Variants in AGBL2 observed in about 807,000 individuals in gnomAD.
AGBL2 encodes AGBL carboxypeptidase 2, also known as cytosolic carboxypeptidase 2.
A neutral mutation model predicts 103.0 loss-of-function variants in AGBL2; 87 were observed. That is an observed-to-expected ratio of 0.84 (90% CI 0.71 to 1.01). The LOEUF is 1.01. AGBL2 is among the 50% of genes least tolerant of loss of function. The pLI, the probability that AGBL2 is intolerant of heterozygous loss-of-function variation, is 0.00. For synonymous variants in AGBL2, 335 were observed against 356.7 expected (o/e 0.94, Z 0.69); for missense variants, 904 against 1,023.5 (o/e 0.88, Z 1.59).
intron 14 of AGBL2, among the ~76,000 whole-genome samples, chr11:47,676,199 C>A (rs2097374199): frequency 6.6e-6 from 1 of 152,082 alleles, no homozygotes; most frequent in South Asian, 2.1e-4. Flanking sequence ...CTCCTTTGAT[C>A]TTTCCCATCT....
At chr11:47,681,594 A>C (rs1352830910) in intron 12 of AGBL2, among the ~76,000 whole-genome samples, 1 of 152,128 alleles carries the variant, frequency 6.6e-6, no homozygotes, top group African/African-American at 2.4e-5. Context: ...CAACCTCCAG[A>C]GTAGCTGGGA....
Position 47,659,818 on chromosome 11 carries a change from T to G in AGBL2, c.*355A>C, listed in dbSNP as rs1056387. ...ACTGCCAAAATGTGTTTAACATAGATTTTGATTTTTAAAAATTGATTTGCA... is the reference window on the plus strand; with the variant it reads ...ACTGCCAAAATGTGTTTAACATAGAGTTTGATTTTTAAAAATTGATTTGCA... On this transcript the variant is annotated 3_prime_UTR_variant, in exon 19 of 19. Coordinates refer to ENST00000525123, the MANE Select transcript of AGBL2 (RefSeq NM_024783.4). 63,082 of 169,848 alleles carry G rather than the reference T, an allele frequency of 0.37. 12,725 individuals are homozygous for G. The highest frequency in any genetic ancestry group is 0.52 in the South Asian group (2,621 of 5,018). The allele number at this position is 169,848 out of a possible 1,614,324, so 10.5% of individuals were successfully genotyped here.
intron 7 of AGBL2, among the ~76,000 whole-genome samples, chr11:47,700,634 C>T (rs768856433): frequency 5.9e-5 from 9 of 151,916 alleles, no homozygotes; most frequent in African/African-American, 1.2e-4. Context: ...ATTTCCTTTA[C>T]GGAACTTGAA....
At chr11:47,694,192 ATCAT>A (rs1245127147) in intron 8 of AGBL2, among the ~76,000 whole-genome samples, 7 of 151,128 alleles carry the variant, frequency 4.6e-5, no homozygotes, top group South Asian at 4.2e-4. Flanking sequence ...GTGAGATCCT[ATCAT>A]TCATTCATTC....
At chr11:47,686,130 AAATACAGCTGTT>A in intron 10 of AGBL2, 81 bp from the exon 11 acceptor site, 1 of 1,426,610 alleles carries the variant, frequency 7.0e-7, no homozygotes. Context: ...TCTCTTCCTT[AAATACAGCTGTT>A]AATACTTTCC....
chr11:47,663,551 A>G (rs866899327), intron 17 of AGBL2, among the ~76,000 whole-genome samples: 4 of 150,246 alleles, frequency 2.7e-5, no homozygotes, highest in South Asian at 2.1e-4. Context: ...GCCTCATTAT[A>G]GTATTCTTTT....
intron 11 of AGBL2, among the ~76,000 whole-genome samples, chr11:47,683,909 A>C (rs1248622596): frequency 2.7e-5 from 4 of 149,120 alleles, no homozygotes; most frequent in Admixed American, 2.0e-4. Flanking sequence ...TAGGCAACAT[A>C]GTGAGACCCT....
chr11:47,707,123 C>T (rs559927402), intron 4 of AGBL2, among the ~76,000 whole-genome samples: 9 of 151,964 alleles, frequency 5.9e-5, no homozygotes, highest in South Asian at 2.1e-4. Flanking sequence ...TGCTTTAACC[C>T]GGCAGGTGGA....
In AGBL2 at chr11:47,660,582, C is replaced by A. The variant is rs2097325485; in HGVS notation, c.2536-236G>T. 2.8e-5 allele frequency among the ~76,000 whole-genome samples: 4 copies of A among 144,902 alleles called. No individual in the cohort carries two copies. The South Asian group carries it at 8.5e-4, about 31-fold the overall frequency. On this transcript the variant is annotated intron_variant, in intron 18 of 18. Coordinates refer to ENST00000525123, the MANE Select transcript of AGBL2 (RefSeq NM_024783.4). ...TTTTTTTTTTTTTTTGAGATGGAGT[C>A]TTGCTCTGTTGCTCTGGCTGGAGTG...
At chr11:47,667,510 T>TTATCCC in intron 16 of AGBL2, 61 bp downstream of exon 16, 1 of 1,581,556 alleles carries the variant, frequency 6.3e-7, no homozygotes, top group South Asian at 1.1e-5. Context: ...CCCCCTTTCC[T>TTATCCC]TATCCCTCTA....
intron 7 of AGBL2, 103 bp downstream of exon 7, chr11:47,704,440 G>A (rs969614132): frequency 4.6e-5 from 45 of 973,082 alleles, no homozygotes; most frequent in African/African-American, 3.8e-4. Flanking sequence ...CTGAGATTGC[G>A]CCATTGCACT....
intron 4 of AGBL2, among the ~76,000 whole-genome samples, chr11:47,708,327 T>TA (rs904662536): frequency 2.0e-5 from 3 of 151,514 alleles, no homozygotes; most frequent in African/African-American, 7.3e-5. Context: ...CTTGGCCTCC[T>TA]AAAGTGCTGG....
chr11:47,714,774 T>C, intron 1 of AGBL2, 24 bp from the exon 2 acceptor site: 1 of 1,004,722 alleles, frequency 1.0e-6, no homozygotes, highest in South Asian at 1.3e-5. Context: ...AGAGGACAAG[T>C]GAAAAAACTG....
rs2097344843 is a variant in AGBL2, at chr11:47,667,616, C to G, written c.2295G>C (p.Gln765His). ...QTRKQRNEQYQKKNLMQKLKL... is the reference protein window; with the variant it reads ...QTRKQRNEQYHKKNLMQKLKL... ...TTAACTTCTGCATCAAATTTTTTTTCTGATACTGCTCATTTCGCTGTTTCC... is the reference window on the plus strand; with the variant it reads ...TTAACTTCTGCATCAAATTTTTTTTGTGATACTGCTCATTTCGCTGTTTCC... Residue 765 changes from glutamine to histidine, a missense_variant, in exon 16 of 19, where the codon CAG (glutamine) becomes CAC (histidine). Coordinates refer to ENST00000525123, the MANE Select transcript of AGBL2 (RefSeq NM_024783.4). 1.2e-6 allele frequency: 2 copies of G among 1,613,602 alleles called. No homozygotes were observed. Among genetic ancestry groups the G allele is most frequent in the Admixed American group, 1.7e-5 (1 of 59,916 alleles).
chr11:47,690,743 T>G lies in AGBL2; in HGVS notation c.964A>C (p.Ile322Leu). 1 of 1,614,100 alleles carries G rather than the reference T, an allele frequency of 6.2e-7. No homozygotes were observed. The highest frequency in any genetic ancestry group is 8.5e-7 in the Non-Finnish European group (1 of 1,180,026). ...CTCTTGGGTTTTAGCAAGTTGACAA[T>G]GGTGAAGCGATAGGTAGCATCTTTT... Reference protein sequence around the residue: ...TRKDATYRFTIVNLLKPKSLY... With the variant: ...TRKDATYRFTLVNLLKPKSLY... Residue 322 changes from isoleucine (I) to leucine (L), a missense_variant, in exon 10 of 19, where the codon ATT becomes CTT. Coordinates refer to ENST00000525123, the MANE Select transcript of AGBL2 (RefSeq NM_024783.4).
In AGBL2 at chr11:47,686,168, C is replaced by G. The variant is rs201442260; in HGVS notation, c.1632-119G>C. ...AATACTTTCCCTCCTAAGAAAATCT[C>G]AACTCCATTGGCCTTCAATGGACCC... On this transcript the variant is annotated intron_variant, in intron 10 of 18. Transcript: ENST00000525123. The G allele has an allele frequency of 2.8e-5, 30 of 1,056,044 alleles. No homozygotes were observed. The East Asian group carries it at 7.9e-4, about 28-fold the overall frequency. 65.4% of individuals were successfully genotyped at this position (1,056,044 alleles called of 1,614,324 possible). A position where few individuals can be genotyped will look rare whatever the true frequency, so the allele number is the denominator to read the frequency against.
In AGBL2 at chr11:47,690,790, T is replaced by C. The variant is rs768102109; in HGVS notation, c.917A>G (p.Tyr306Cys). The stretch of plus-strand genomic sequence containing the variant: ...TTTTCTGGTGTTCTGAACACGAAAA[T>C]AAAACCACTGAGTGTGTTTGTTAGT... Reference protein sequence around the residue: ...LYTNKHTQWFYFRVQNTRKDA... With the variant: ...LYTNKHTQWFCFRVQNTRKDA... The change falls in exon 10 of 19, where the codon TAT becomes TGT. Residue 306 changes from tyrosine to cysteine, a missense_variant. Physicochemically the swap from Tyr to Cys is radical, Grantham distance 194. Transcript: ENST00000525123. 1.9e-6 allele frequency: 3 copies of C among 1,613,970 alleles called. No homozygotes were observed. The South Asian group carries it at 3.3e-5, about 18-fold the overall frequency.
At chr11:47,681,128 G>A (rs2097399666) in intron 12 of AGBL2, among the ~76,000 whole-genome samples, 1 of 151,970 alleles carries the variant, frequency 6.6e-6, no homozygotes, top group African/African-American at 2.4e-5. Flanking sequence ...CAGGGAGTTT[G>A]AGGCCAGCTT....
intron 8 of AGBL2, among the ~76,000 whole-genome samples, chr11:47,695,041 T>C (rs1279646808): frequency 6.6e-6 from 1 of 151,922 alleles, no homozygotes; most frequent in Non-Finnish European, 1.5e-5. Context: ...TTCCAGCTAC[T>C]CAGGAGGCTG....
Sources: gnomAD v4.1 joint callset for allele counts (sites outside exome capture counted in the v4.1 genomes callset) on GRCh38, gnomAD v4.1.1 for gene constraint, MANE v1.5 for transcripts, NCBI Gene and HGNC (gene_info 2026-07-23, HGNC 2026-07-21) for gene names.